The following PLCE1 variants were observed in gnomAD, a reference collection of about 807,000 sequenced individuals.
PLCE1 encodes phospholipase C epsilon 1, also known as 1-phosphatidylinositol 4,5-bisphosphate phosphodiesterase epsilon-1.
PLCE1 carries 119 observed loss-of-function variants against 242.8 expected under a neutral mutation model. The ratio of observed to expected loss-of-function variants is 0.49; its 90% confidence interval spans 0.42 to 0.57. The LOEUF (loss-of-function observed/expected upper bound fraction) is 0.57. PLCE1 is among the 20% of genes least tolerant of loss of function. The pLI, the probability that PLCE1 is intolerant of heterozygous loss-of-function variation, is 0.00. For synonymous variants in PLCE1, 945 were observed against 1,017.4 expected (o/e 0.93, Z 1.35); for missense variants, 2,441 against 2,788.8 (o/e 0.88, Z 2.81).
At chr10:94,194,026 G>T (rs988749978) in intron 4 of PLCE1, among the ~76,000 whole-genome samples, 4 of 152,168 alleles carry the variant, frequency 2.6e-5, no homozygotes, top group Non-Finnish European at 5.9e-5. Context: ...GTTAAAAGAT[G>T]TTTACTTCAC....
chr10:94,056,760 C>T (rs1211179223), intron 2 of PLCE1, among the ~76,000 whole-genome samples: 1 of 152,170 alleles, frequency 6.6e-6, no homozygotes, highest in Non-Finnish European at 1.5e-5. Flanking sequence ...ATTTTCATCA[C>T]ACCAAAGAGA....
Position 94,058,967 on chromosome 10 carries a change from C to T in PLCE1, c.1206+26715C>T, listed in dbSNP as rs183646164. Among the ~76,000 whole-genome samples the T allele has an allele frequency of 4.4e-3, 675 of 152,230 alleles. 6 individuals are homozygous for T. Among genetic ancestry groups the T allele is most frequent in the African/African-American group, 0.015 (640 of 41,546 alleles). On this transcript the variant is annotated intron_variant, in intron 2 of 32. Coordinates refer to ENST00000371380, the MANE Select transcript of PLCE1 (RefSeq NM_016341.4). ...CATGAATTTTTGCTTAGTCACATAG[C>T]GTAAACACATGTACCTATGGGCATA... is the stretch of plus-strand genomic sequence containing the variant.
At chr10:94,071,734 A>G (rs1224960864) in intron 2 of PLCE1, among the ~76,000 whole-genome samples, 1 of 151,760 alleles carries the variant, frequency 6.6e-6, no homozygotes, top group Admixed American at 6.6e-5. Context: ...CCTGGCCTCA[A>G]GTGATTCTCC....
At chr10:94,114,669 GTTCTT>G in intron 2 of PLCE1, among the ~76,000 whole-genome samples, 1 of 151,368 alleles carries the variant, frequency 6.6e-6, no homozygotes, top group African/African-American at 2.4e-5. Flanking sequence ...CAGTATAGCT[GTTCTT>G]TTCTTATTTT....
chr10:94,095,097 T>C (rs1190733212), intron 2 of PLCE1, among the ~76,000 whole-genome samples: 1 of 152,190 alleles, frequency 6.6e-6, no homozygotes, highest in East Asian at 1.9e-4. Context: ...TACCTCCCTT[T>C]TCCCTCTATT....
At chr10:94,229,228 G>A (rs1182104403) in intron 5 of PLCE1, among the ~76,000 whole-genome samples, 1 of 148,460 alleles carries the variant, frequency 6.7e-6, no homozygotes, top group Non-Finnish European at 1.5e-5. Flanking sequence ...AAGAAAATAT[G>A]TATTACATTT....
intron 7 of PLCE1, among the ~76,000 whole-genome samples, chr10:94,243,462 C>T (rs1261773397): frequency 1.3e-5 from 2 of 152,120 alleles, no homozygotes; most frequent in Non-Finnish European, 2.9e-5. Flanking sequence ...AAGTGTGGAC[C>T]TTAATTAGTG....
intron 2 of PLCE1, among the ~76,000 whole-genome samples, chr10:94,122,780 G>A (rs1461672503): frequency 1.3e-5 from 2 of 152,184 alleles, no homozygotes; most frequent in African/African-American, 4.8e-5. Context: ...ACTCTAGCAG[G>A]AATCAAAATC....
chr10:94,179,536 G>A, intron 4 of PLCE1, among the ~76,000 whole-genome samples: 1 of 23,964 alleles, frequency 4.2e-5, no homozygotes, highest in Non-Finnish European at 9.6e-5. Flanking sequence ...TTTTTGACAG[G>A]GTCTCTGTTG....
At chr10:94,040,303 C>G (rs2061740331) in intron 2 of PLCE1, among the ~76,000 whole-genome samples, 2 of 152,166 alleles carry the variant, frequency 1.3e-5, no homozygotes, top group African/African-American at 4.8e-5. Context: ...TTCTCCCAAA[C>G]TCCAGTCTGC....
At chr10:94,116,110 C>G (rs1244164157) in intron 2 of PLCE1, among the ~76,000 whole-genome samples, 1 of 152,176 alleles carries the variant, frequency 6.6e-6, no homozygotes, top group Non-Finnish European at 1.5e-5. Flanking sequence ...GCTCCTTCCT[C>G]TCTCCATCCT....
chr10:94,085,721 A>C (rs945857756), intron 2 of PLCE1, among the ~76,000 whole-genome samples: 1 of 152,166 alleles, frequency 6.6e-6, no homozygotes. Flanking sequence ...AGTGCTCTGC[A>C]CTTACTTCTC....
At chr10:94,013,366 A>G (rs1178126348) in intron 1 of PLCE1, among the ~76,000 whole-genome samples, 1 of 152,120 alleles carries the variant, frequency 6.6e-6, no homozygotes, top group Non-Finnish European at 1.5e-5. Flanking sequence ...CTTGTAAGGC[A>G]CTCAGGGTTT....
chr10:94,210,390 C>T (rs1193093413), intron 4 of PLCE1, among the ~76,000 whole-genome samples: 1 of 152,082 alleles, frequency 6.6e-6, no homozygotes, highest in Non-Finnish European at 1.5e-5. Context: ...AATTATCAGA[C>T]CCCTAGGCTC....
At chr10:94,236,855 CCT>C (rs141019317) in intron 7 of PLCE1, among the ~76,000 whole-genome samples, 5 of 150,312 alleles carry the variant, frequency 3.3e-5, no homozygotes, top group African/African-American at 4.9e-5. Context: ...TCTTAATCTC[CCT>C]CTCTCTCTCT....
At chr10:94,220,387 TA>T (rs2049694698) in intron 4 of PLCE1, among the ~76,000 whole-genome samples, 1 of 55,738 alleles carries the variant, frequency 1.8e-5, no homozygotes, top group Non-Finnish European at 4.4e-5. Flanking sequence ...TATATATATA[TA>T]TATATATATA....
intron 3 of PLCE1, among the ~76,000 whole-genome samples, chr10:94,141,611 GGAGAAAGGAAGGCAGAA>G (rs1243209187): frequency 0.015 from 4 of 272 alleles, no homozygotes; most frequent in African/African-American, 0.03. Context: ...GCAAAGGGAA[GGAGAAAGGAAGGCAGAA>G]GGAGGAAAGA....
At chr10:94,138,108 A>G in intron 3 of PLCE1, 1 of 360,624 alleles carries the variant, frequency 2.8e-6, no homozygotes, top group Non-Finnish European at 5.4e-6. Flanking sequence ...GTGAAACTTA[A>G]TGAGTGGCAG....
At chr10:94,071,410 A>G (rs1160526583) in intron 2 of PLCE1, among the ~76,000 whole-genome samples, 1 of 151,252 alleles carries the variant, frequency 6.6e-6, no homozygotes, top group Non-Finnish European at 1.5e-5. Context: ...ACACATCTTA[A>G]GCCTCCTTTA....
Sources: gnomAD v4.1 joint callset for allele counts (sites outside exome capture counted in the v4.1 genomes callset) on GRCh38, gnomAD v4.1.1 for gene constraint, MANE v1.5 for transcripts, NCBI Gene and HGNC (gene_info 2026-07-23, HGNC 2026-07-21) for gene names.